Variants in TTC39C observed in about 807,000 individuals in gnomAD.
TTC39C encodes the protein tetratricopeptide repeat protein 39C.
Under a neutral mutation model 76.3 loss-of-function variants are expected in TTC39C, and 33 were observed. The observed-to-expected ratio is 0.43, with a 90% CI of 0.33 to 0.58. The LOEUF is 0.58. Among genes scored for constraint, TTC39C ranks in the 20% least tolerant of loss-of-function variants. The probability of loss-of-function intolerance (pLI) is 0.04; values close to 1 mark genes in which losing one functional copy is unlikely to be tolerated. For missense variants in TTC39C, 595 were observed against 701.4 expected (o/e 0.85, Z 1.71); for synonymous variants, 254 against 260.6 (o/e 0.97, Z 0.24).
intron 1 of TTC39C, among the ~76,000 whole-genome samples, chr18:24,041,782 TC>T (rs1401105747): frequency 6.6e-6 from 1 of 152,248 alleles, no homozygotes; most frequent in African/African-American, 2.4e-5. Context: ...TCCTTCATAC[TC>T]AGAATTATGT....
intron 1 of TTC39C, among the ~76,000 whole-genome samples, chr18:24,006,722 T>G (rs904131037): frequency 6.6e-6 from 1 of 152,192 alleles, no homozygotes; most frequent in African/African-American, 2.4e-5. Flanking sequence ...TAATTATCAA[T>G]GCATAAGATA....
chr18:23,995,606 C>T (rs1025544890), intron 1 of TTC39C, among the ~76,000 whole-genome samples: 1 of 152,016 alleles, frequency 6.6e-6, no homozygotes, highest in Admixed American at 6.6e-5. Flanking sequence ...TATAGATGTA[C>T]TACACCTTGG....
intron 6 of TTC39C, among the ~76,000 whole-genome samples, chr18:24,094,852 A>G (rs1007971644): frequency 2.6e-5 from 4 of 152,242 alleles, no homozygotes; most frequent in Admixed American, 6.5e-5. Flanking sequence ...GAAGGGCCCT[A>G]TGATTTTCAA....
intron 1 of TTC39C, among the ~76,000 whole-genome samples, chr18:24,015,517 T>G (rs575171054): frequency 6.6e-6 from 1 of 152,370 alleles, no homozygotes; most frequent in African/African-American, 2.4e-5. Flanking sequence ...TCTGCAACAT[T>G]GTGCAATTCC....
In TTC39C at chr18:24,132,784, G is replaced by C. The variant is rs772949397; in HGVS notation, c.*210G>C. 2.3e-4 allele frequency: 104 copies of C among 445,118 alleles called. No individual in the cohort carries two copies. The highest frequency in any genetic ancestry group is 3.6e-4 in the Non-Finnish European group (92 of 253,902). 27.6% of individuals were successfully genotyped at this position (445,118 alleles called of 1,614,324 possible). Reference sequence around the variant, plus strand: ...AATGATGTTGAGGAGGATGATGATGGTAATAATAACTAACCACCTGGGGAG... The same window carrying C: ...AATGATGTTGAGGAGGATGATGATGCTAATAATAACTAACCACCTGGGGAG... On this transcript the variant is annotated 3_prime_UTR_variant, in exon 14 of 14. Coordinates refer to ENST00000317571, the MANE Select transcript of TTC39C (RefSeq NM_001135993.2).
rs56233680 is a variant in TTC39C at position 24,044,052 on chromosome 18, T to TTGTGTGTGTG, written c.168-20058_168-20049dup. Among the ~76,000 whole-genome samples, 1,259 of 147,936 alleles carry TTGTGTGTGTG rather than the reference T, an allele frequency of 8.5e-3. 11 individuals are homozygous for TTGTGTGTGTG. The highest frequency in any genetic ancestry group is 0.03 in the African/African-American group (1,197 of 40,042). ...TGGCTGAAAGAGCATTTGTGTATGT[T>TTGTGTGTGTG]TGTGTGTGTGTGTGTGTGTGTGTGT... is the stretch of plus-strand genomic sequence containing the variant. On this transcript the variant is annotated intron_variant, in intron 1 of 13. Transcript: ENST00000317571.
chr18:24,070,023 T>C (rs541967149), intron 4 of TTC39C, among the ~76,000 whole-genome samples: 1 of 152,362 alleles, frequency 6.6e-6, no homozygotes, highest in East Asian at 1.9e-4. Context: ...TATTTTCTCC[T>C]AAACCCTAAA....
At chr18:24,066,275 T>G in intron 3 of TTC39C, 135 bp downstream of exon 3, 1 of 1,182,262 alleles carries the variant, frequency 8.5e-7, no homozygotes, top group Non-Finnish European at 1.1e-6. Context: ...TTTCTTATGG[T>G]TTTTGGTTAT....
intron 6 of TTC39C, among the ~76,000 whole-genome samples, chr18:24,098,155 A>G (rs980574535): frequency 2.6e-5 from 4 of 152,078 alleles, no homozygotes; most frequent in Admixed American, 2.6e-4. Flanking sequence ...ATTTAAATTG[A>G]TACTATGTTT....
chr18:24,116,064 A>T (rs185999575), intron 7 of TTC39C, among the ~76,000 whole-genome samples: 1 of 152,298 alleles, frequency 6.6e-6, no homozygotes. Flanking sequence ...TCAGGCTCGG[A>T]AGCTTGAGTT....
intron 1 of TTC39C, among the ~76,000 whole-genome samples, chr18:24,052,125 T>C (rs1165859016): frequency 1.3e-5 from 2 of 152,350 alleles, no homozygotes; most frequent in East Asian, 3.9e-4. Context: ...AGATGGCAAG[T>C]AGCCTTTTTC....
intron 11 of TTC39C, among the ~76,000 whole-genome samples, chr18:24,129,942 C>T (rs2085102991): frequency 6.6e-6 from 1 of 152,094 alleles, no homozygotes; most frequent in African/African-American, 2.4e-5. Context: ...TAGCAAGATA[C>T]AGTCAAGACG....
At chr18:24,089,552 G>T (rs1274949900) in intron 6 of TTC39C, among the ~76,000 whole-genome samples, 2 of 152,170 alleles carry the variant, frequency 1.3e-5, no homozygotes, top group Admixed American at 6.5e-5. Flanking sequence ...AATCCATATT[G>T]TGTGGCTTAA....
rs1795786087 is a variant in TTC39C at position 24,014,958 on chromosome 18, C to T, written c.87C>T (p.Asp29=). 3 of 1,530,184 alleles carry T rather than the reference C, an allele frequency of 2.0e-6. No individual in the cohort carries two copies. Among genetic ancestry groups the T allele is most frequent in the Admixed American group, 2.1e-5 (1 of 48,664 alleles). The allele number at this position is 1,530,184 out of a possible 1,614,324, so 94.8% of individuals were successfully genotyped here. A position where few individuals can be genotyped will look rare whatever the true frequency, so the allele number is the denominator to read the frequency against. Residue 29 remains aspartate, a synonymous_variant, in exon 1 of 14, where the codon GAC becomes GAT. Coordinates refer to ENST00000317571, the MANE Select transcript of TTC39C (RefSeq NM_001135993.2). ...AAAAAAAPLQ[D]AELALAGINM... ...CGGCGGCGGCGGCGCCCCTGCAGGACGCGGAGCTGGCCCTGGCCGGCATCA... is the reference window on the plus strand; with the variant it reads ...CGGCGGCGGCGGCGCCCCTGCAGGATGCGGAGCTGGCCCTGGCCGGCATCA...
At chr18:24,120,625 A>C (rs1434541986) in intron 8 of TTC39C, among the ~76,000 whole-genome samples, 1 of 152,128 alleles carries the variant, frequency 6.6e-6, no homozygotes, top group East Asian at 1.9e-4. Context: ...TTGTTTTGCA[A>C]ACATCACCAG....
intron 13 of TTC39C, among the ~76,000 whole-genome samples, chr18:24,132,214 A>G (rs1217379784): frequency 6.6e-6 from 1 of 152,238 alleles, no homozygotes; most frequent in Non-Finnish European, 1.5e-5. Context: ...TCTAATAGCA[A>G]CTTATATTGA....
At position 24,083,074 on chromosome 18, in the gene TTC39C, G is replaced by A. The variant is rs1404571790; in HGVS notation, c.977G>A (p.Arg326Gln). ...LFMFFKGRIQ[R>Q]LECQINSALT... ...ATGTTTTTCAAGGGACGGATACAAC[G>A]ACTAGAGGTACTGTACCTTCCTCAT... Residue 326 changes from arginine to glutamine, a missense_variant, in exon 6 of 14, where the codon CGA becomes CAA. Arg to Gln is a conservative substitution (Grantham distance 43). Coordinates refer to ENST00000317571, the MANE Select transcript of TTC39C (RefSeq NM_001135993.2). 3.1e-6 allele frequency: 5 copies of A among 1,613,442 alleles called. No individual in the cohort carries two copies. The highest frequency in any genetic ancestry group is 4.2e-6 in the Non-Finnish European group (5 of 1,179,658).
chr18:24,045,911 A>ATG (rs1269372155), intron 1 of TTC39C, among the ~76,000 whole-genome samples: 15 of 25,688 alleles, frequency 5.8e-4, no homozygotes, highest in Non-Finnish European at 8.8e-4. Flanking sequence ...ATATATATAT[A>ATG]TATATATATA....
intron 1 of TTC39C, among the ~76,000 whole-genome samples, chr18:24,004,708 G>C (rs1386362545): frequency 6.6e-6 from 1 of 152,184 alleles, no homozygotes; most frequent in Non-Finnish European, 1.5e-5. Context: ...TCCTAGGCAA[G>C]GATGTGAGCA....
Sources: allele counts gnomAD v4.1 joint callset (sites outside exome capture counted in the v4.1 genomes callset), GRCh38; gene constraint gnomAD v4.1.1; transcripts MANE v1.5; gene names NCBI Gene and HGNC (gene_info 2026-07-23, HGNC 2026-07-21).